Variants in CTNNA2 observed in about 807,000 individuals in gnomAD.
The protein encoded by CTNNA2 is catenin alpha-2.
Under a neutral mutation model 101.0 loss-of-function variants are expected in CTNNA2, and 42 were observed. The ratio of observed to expected loss-of-function variants is 0.42; its 90% CI spans 0.32 to 0.54. CTNNA2 has a LOEUF of 0.54. Ranked by LOEUF, CTNNA2 falls within the 20% of genes least tolerant of loss-of-function variation. The pLI is 0.14. For synonymous variants in CTNNA2, 450 were observed against 456.4 expected, an observed-to-expected ratio of 0.99 and a Z score of 0.18; for missense variants, 871 against 1,223.1, an observed-to-expected ratio of 0.71 and a Z score of 4.29.
At position 80,619,207 on chromosome 2, in the gene CTNNA2, T is replaced by G. The variant is rs1699104419; in HGVS notation, c.2553T>G (p.Ser851Arg). The G allele has an allele frequency of 6.3e-7, 1 of 1,580,472 alleles. No individual in the cohort carries two copies. The highest frequency in any genetic ancestry group is 1.4e-5 in the African/African-American group (1 of 73,850). ...GTGCTGAGGGAGCTCCGATCGGGAG[T>G]GGAAGCAGTGATTCCTCCATGGTGA... is the stretch of plus-strand genomic sequence containing the variant. Reference protein sequence around the residue: ...PTCAEGAPIGSGSSDSSMLDS... With the variant: ...PTCAEGAPIGRGSSDSSMLDS... The change falls in exon 18 of 19, where the codon AGT (serine) becomes AGG (arginine). Residue 851 changes from serine to arginine, a missense_variant. By Grantham distance (110) the Ser-to-Arg change is moderately radical. Coordinates refer to ENST00000402739, the MANE Select transcript of CTNNA2 (RefSeq NM_001282597.3).
chr2:79,805,018 A>G (rs1377753797), intron 3 of CTNNA2, among the ~76,000 whole-genome samples: 1 of 152,146 alleles, frequency 6.6e-6, no homozygotes, highest in Non-Finnish European at 1.5e-5. Context: ...GCTGGGTTGT[A>G]TATAGGAAGG....
chr2:79,469,194 G>T (rs907786895), intron 4 of CTNNA2, among the ~76,000 whole-genome samples: 7 of 152,002 alleles, frequency 4.6e-5, no homozygotes, highest in African/African-American at 1.7e-4. Context: ...TGATAAAGAG[G>T]ATATCACCTC....
chr2:79,736,577 T>C (rs1419582619), intron 2 of CTNNA2, among the ~76,000 whole-genome samples: 1 of 152,214 alleles, frequency 6.6e-6, no homozygotes, highest in African/African-American at 2.4e-5. Context: ...CAGTTGCTGC[T>C]GGAATAAATA....
At chr2:79,906,980 A>G (rs76600583) in intron 6 of CTNNA2, among the ~76,000 whole-genome samples, 2,853 of 152,314 alleles carry the variant, frequency 0.019, 42 homozygotes, top group African/African-American at 0.032. Flanking sequence ...ATAGTATTCT[A>G]ATGACACTAG....
chr2:80,132,173 G>T (rs183928083), intron 7 of CTNNA2, among the ~76,000 whole-genome samples: 1 of 152,066 alleles, frequency 6.6e-6, no homozygotes. Context: ...AAGTGAAGAC[G>T]TCTTAGCACG....
chr2:79,380,115 A>G (rs1056829184), intron 4 of CTNNA2, among the ~76,000 whole-genome samples: 1 of 152,138 alleles, frequency 6.6e-6, no homozygotes, highest in South Asian at 2.1e-4. Flanking sequence ...TCCAAACTGG[A>G]CGGAAATTTT....
chr2:79,800,528 A>G (rs1321675081), intron 3 of CTNNA2, among the ~76,000 whole-genome samples: 2 of 152,182 alleles, frequency 1.3e-5, no homozygotes, highest in Non-Finnish European at 2.9e-5. Flanking sequence ...AGCTCAGATA[A>G]TATTGACAGC....
chr2:79,504,366 T>G (rs1254155657), intron 4 of CTNNA2, among the ~76,000 whole-genome samples: 2 of 152,146 alleles, frequency 1.3e-5, no homozygotes, highest in African/African-American at 4.8e-5. Context: ...CTCAGCTCAC[T>G]GCAACCTCCG....
chr2:79,724,687 C>A (rs187451097), intron 2 of CTNNA2, among the ~76,000 whole-genome samples: 1 of 151,434 alleles, frequency 6.6e-6, no homozygotes, highest in South Asian at 2.1e-4. Flanking sequence ...TGGTCGTGGG[C>A]GCCTGTAGTC....
intron 7 of CTNNA2, among the ~76,000 whole-genome samples, chr2:80,099,755 CAAA>C (rs11435408): frequency 7.1e-6 from 1 of 141,474 alleles, no homozygotes; most frequent in African/African-American, 2.6e-5. Context: ...CTCTTTCCTT[CAAA>C]AAAAAAAAAA....
Position 80,302,727 on chromosome 2 carries a change from C to T in CTNNA2, c.1057-90484C>T. 1 of 1,613,052 alleles carries T rather than the reference C, an allele frequency of 6.2e-7. No homozygotes were observed. Among genetic ancestry groups the T allele is most frequent in the Non-Finnish European group, 8.5e-7 (1 of 1,179,880 alleles). On this transcript the variant is annotated intron_variant, in intron 7 of 18. Coordinates refer to ENST00000402739, the MANE Select transcript of CTNNA2 (RefSeq NM_001282597.3). This position sits in a 1 kb window ranked among gnomAD's most constrained non-coding sequence, Gnocchi z 6.4. ...TGGCCGCTGGTGGGCTCGGCCCCAT[C>T]CTCGCACAGGTGGAAGGCGTACACG...
intron 9 of CTNNA2, among the ~76,000 whole-genome samples, chr2:80,440,882 T>TA (rs1682501169): frequency 6.6e-6 from 1 of 152,156 alleles, no homozygotes; most frequent in African/African-American, 2.4e-5. Flanking sequence ...TAAGATAGCA[T>TA]AGACTTAATT....
intron 7 of CTNNA2, among the ~76,000 whole-genome samples, chr2:80,030,244 AAAG>A (rs1271239938): frequency 1.3e-5 from 2 of 152,126 alleles, no homozygotes; most frequent in African/African-American, 4.8e-5. Context: ...AAAAAAAAAA[AAAG>A]ATGTTAAAAG....
chr2:80,209,592 C>G (rs1401878304), intron 7 of CTNNA2, among the ~76,000 whole-genome samples: 1 of 151,458 alleles, frequency 6.6e-6, no homozygotes, highest in African/African-American at 2.4e-5. Flanking sequence ...CACTCATTCT[C>G]ATACACACAG....
At chr2:80,624,305 C>T (rs1204263405) in intron 18 of CTNNA2, among the ~76,000 whole-genome samples, 1 of 152,000 alleles carries the variant, frequency 6.6e-6, no homozygotes, top group Non-Finnish European at 1.5e-5. Context: ...CATGCCCATG[C>T]AGTATATGAC....
intron 7 of CTNNA2, among the ~76,000 whole-genome samples, chr2:80,251,862 A>G (rs934131301): frequency 7.2e-5 from 11 of 152,226 alleles, no homozygotes; most frequent in African/African-American, 2.7e-4. Flanking sequence ...CTTTTACCAG[A>G]AAATTGCCTT....
rs896115248 is a variant in CTNNA2 at position 79,338,596 on chromosome 2, T to C, written c.-318+25800T>C. On this transcript the variant is annotated intron_variant, in intron 3 of 21. Transcript: ENST00000466387. ...CCTCATCATCTTCTTCTTCTTCTTC[T>C]TCTTCTTCTTCTTCTTCTTCTTCTT... 4.2e-5 allele frequency among the ~76,000 whole-genome samples: 6 copies of C among 143,904 alleles called. No homozygotes were observed. In the East Asian group the frequency reaches 8.0e-4, roughly 19 times the overall value. The allele number at this position is 143,904 out of a possible 152,430, so 94.4% of individuals were successfully genotyped here. A position where few individuals can be genotyped will look rare whatever the true frequency, so the allele number is the denominator to read the frequency against.
At chr2:80,406,880 G>A (rs1679120579) in intron 8 of CTNNA2, among the ~76,000 whole-genome samples, 1 of 151,592 alleles carries the variant, frequency 6.6e-6, no homozygotes, top group African/African-American at 2.4e-5. Flanking sequence ...GATCAAGTAG[G>A]CATTGTGTCA....
chr2:79,808,409 G>A (rs1368681791), intron 3 of CTNNA2, among the ~76,000 whole-genome samples: 4 of 152,034 alleles, frequency 2.6e-5, no homozygotes, highest in African/African-American at 9.7e-5. Context: ...AAAATGGTTG[G>A]GCTCTACTCA....
Sources: gnomAD v4.1 joint callset for allele counts (sites outside exome capture counted in the v4.1 genomes callset) on GRCh38, gnomAD v4.1.1 for gene constraint, Gnocchi (gnomAD v3.1) non-coding constraint, MANE v1.5 for transcripts, NCBI Gene and HGNC (gene_info 2026-07-23, HGNC 2026-07-21) for gene names.